The following PXDN variants were observed in gnomAD, a reference collection of about 807,000 sequenced individuals.
The protein encoded by PXDN is peroxidasin homolog.
A neutral mutation model predicts 140.3 loss-of-function variants in PXDN; 77 were observed. The ratio of observed to expected loss-of-function variants is 0.55; its 90% CI spans 0.46 to 0.66. The LOEUF is 0.66. Ranked by LOEUF, PXDN falls within the 30% of genes least tolerant of loss-of-function variation. The pLI, the probability that PXDN is intolerant of heterozygous loss-of-function variation, is 0.00. For missense variants in PXDN, 1,838 were observed against 2,039.5 expected, an observed-to-expected ratio of 0.90 and a Z score of 1.90; for synonymous variants, 911 against 857.4, an observed-to-expected ratio of 1.06 and a Z score of -1.09.
chr2:1,743,720 G>GC (rs1436755680), intron 1 of PXDN, among the ~76,000 whole-genome samples: 1 of 72,378 alleles, frequency 1.4e-5, no homozygotes, highest in East Asian at 3.2e-4. Flanking sequence ...GAGGAGGAAG[G>GC]GGAGGAGGAA....
intron 1 of PXDN, among the ~76,000 whole-genome samples, chr2:1,740,297 A>G (rs986001435): frequency 1.3e-5 from 2 of 152,160 alleles, no homozygotes; most frequent in African/African-American, 4.8e-5. Context: ...GCGTGTGAGG[A>G]GGAGAGGTCC....
chr2:1,699,032 A>G (rs1684359830), intron 1 of PXDN, among the ~76,000 whole-genome samples: 1 of 152,216 alleles, frequency 6.6e-6, no homozygotes, highest in Admixed American at 6.5e-5. Context: ...CCAGAAAAAA[A>G]AAATGTCAAG....
chr2:1,720,707 T>TTCTC (rs200041810), intron 1 of PXDN, among the ~76,000 whole-genome samples: 2 of 53,422 alleles, frequency 3.7e-5, no homozygotes, highest in Non-Finnish European at 7.8e-5. Context: ...CTGCATCTCT[T>TTCTC]TCTCTCTCTC....
chr2:1,657,350 C>T (rs977423435), intron 14 of PXDN, among the ~76,000 whole-genome samples: 6 of 150,264 alleles, frequency 4.0e-5, no homozygotes, highest in African/African-American at 1.2e-4. Flanking sequence ...CTGAAACCAG[C>T]CCCAACCTGA....
intron 6 of PXDN, among the ~76,000 whole-genome samples, chr2:1,682,486 G>C (rs1392329367): frequency 6.6e-6 from 1 of 152,126 alleles, no homozygotes; most frequent in Non-Finnish European, 1.5e-5. Flanking sequence ...TCTAGGTCTA[G>C]TTTACTGAAT....
chr2:1,649,084 G>A lies in PXDN; in HGVS notation c.2696C>T (p.Pro899Leu), dbSNP rs1266587147. The A allele has an allele frequency of 5.0e-6, 8 of 1,612,504 alleles. No homozygotes were observed. The highest frequency in any genetic ancestry group is 2.2e-5 in the East Asian group (1 of 44,824). Residue 899 changes from proline (P) to leucine (L), a missense_variant, in exon 17 of 23, where the codon CCG becomes CTG. By Grantham distance (98) the Pro-to-Leu change is moderately conservative (BLOSUM62 -3). Around this residue, in one of 5 missense-constraint regions of PXDN, gnomAD observed 850 missense variants for 894.1 expected, o/e 0.95. Transcript: ENST00000252804. This position sits in a 1 kb window ranked among gnomAD's most constrained non-coding sequence, Gnocchi z 7.1. ...MTSLLMNSVY[P>L]REQINQLTSY... is the part of the protein sequence containing the mutation. ...GGTGAGCTGGTTGATCTGCTCCCGC[G>A]GGTACACGGAGTTCATGAGCAGCGA... is the stretch of plus-strand genomic sequence containing the variant.
rs1485099807 is a variant in PXDN at position 1,633,187 on chromosome 2, C to T, written c.*1017G>A. The T allele has an allele frequency of 2.1e-5, 2 of 94,030 alleles. No individual in the cohort carries two copies. The highest frequency in any genetic ancestry group is 1.2e-4 in the Admixed American group (1 of 8,338). 5.8% of individuals were successfully genotyped at this position (94,030 alleles called of 1,614,324 possible). A position where few individuals can be genotyped will look rare whatever the true frequency, so the allele number is the denominator to read the frequency against. On this transcript the variant is annotated 3_prime_UTR_variant, in exon 23 of 23. Coordinates refer to ENST00000252804, the MANE Select transcript of PXDN (RefSeq NM_012293.3). ...GATTCTTTTTTTTTTTTTTTTTTAA[C>T]GCACTCACACAACCTGAAGTTAGAC...
rs963220706 is a variant in PXDN, at chr2:1,714,413, G to A, written c.201-21279C>T. On this transcript the variant is annotated intron_variant, in intron 1 of 22. Transcript: ENST00000252804. The surrounding 1 kb of genome is among the most constrained non-coding windows in gnomAD (Gnocchi z 4.3). ...CTGCCAAGAAGATGGGGCTACTGTG[G>A]GAGCAGGGACCCTGCCAGTTACACT... 3.3e-5 allele frequency among the ~76,000 whole-genome samples: 5 copies of A among 152,130 alleles called. No homozygotes were observed. The South Asian group carries it at 8.3e-4, about 25-fold the overall frequency.
At chr2:1,673,393 G>T (rs1306932908) in intron 9 of PXDN, among the ~76,000 whole-genome samples, 1 of 152,128 alleles carries the variant, frequency 6.6e-6, no homozygotes, top group Non-Finnish European at 1.5e-5. Flanking sequence ...TGGGCTCACA[G>T]CATGGACTGC....
chr2:1,656,018 C>G (rs1683125772), intron 14 of PXDN, among the ~76,000 whole-genome samples: 1 of 151,950 alleles, frequency 6.6e-6, no homozygotes, highest in Non-Finnish European at 1.5e-5. Flanking sequence ...ACTATACACA[C>G]AGATACACAC....
chr2:1,691,401 G>C (rs1684180189), intron 3 of PXDN, among the ~76,000 whole-genome samples: 1 of 152,164 alleles, frequency 6.6e-6, no homozygotes, highest in Admixed American at 6.5e-5. Context: ...ATTAAAATCA[G>C]TTTTTAAAAG....
chr2:1,727,999 A>C (rs1222255767), intron 1 of PXDN, among the ~76,000 whole-genome samples: 1 of 152,192 alleles, frequency 6.6e-6, no homozygotes, highest in Admixed American at 6.5e-5. Flanking sequence ...GCAGTGATGC[A>C]ATCACAGCTC....
chr2:1,684,207 G>C, intron 4 of PXDN, 56 bp from the exon 5 acceptor site: 15 of 1,476,236 alleles, frequency 1.0e-5, no homozygotes, highest in Admixed American at 2.0e-5. Flanking sequence ...CTTAGATCCA[G>C]ATTTTTGCCC....
intron 21 of PXDN, among the ~76,000 whole-genome samples, chr2:1,637,316 C>T (rs554819160): frequency 3.3e-5 from 5 of 152,224 alleles, no homozygotes; most frequent in Non-Finnish European, 5.9e-5. Context: ...GCTGAGTGAA[C>T]ACTGCATGCT....
intron 18 of PXDN, 142 bp from the exon 19 acceptor site, chr2:1,643,718 TCA>T: frequency 1.3e-6 from 1 of 789,364 alleles, no homozygotes; most frequent in Non-Finnish European, 2.0e-6. Flanking sequence ...AAAAATGGAC[TCA>T]CACACTGCTC....
chr2:1,638,790 G>C, intron 21 of PXDN, 56 bp downstream of exon 21: 1 of 1,610,220 alleles, frequency 6.2e-7, no homozygotes, highest in Non-Finnish European at 8.5e-7. Context: ...GTTCGGGCAG[G>C]GCTGTGCTGC....
At chr2:1,728,229 C>T (rs189985630) in intron 1 of PXDN, among the ~76,000 whole-genome samples, 11 of 152,346 alleles carry the variant, frequency 7.2e-5, no homozygotes, top group African/African-American at 1.9e-4. Context: ...TGAGCCACTG[C>T]ACCCAGCCAA....
At chr2:1,699,888 T>C (rs1235505902) in intron 1 of PXDN, among the ~76,000 whole-genome samples, 1 of 152,190 alleles carries the variant, frequency 6.6e-6, no homozygotes, top group Non-Finnish European at 1.5e-5. Context: ...TGATGGGAAC[T>C]CTTGCCTTTT....
intron 21 of PXDN, among the ~76,000 whole-genome samples, chr2:1,637,546 G>A (rs1572111985): frequency 1.3e-5 from 2 of 150,744 alleles, no homozygotes; most frequent in African/African-American, 5.0e-5. Context: ...CCTGCTGCAC[G>A]CTGTCCACTC....
Sources: gnomAD v4.1 joint callset for allele counts (sites outside exome capture counted in the v4.1 genomes callset) on GRCh38, gnomAD v4.1.1 for gene constraint, gnomAD v4.1.1 regional missense constraint, Gnocchi (gnomAD v3.1) non-coding constraint, MANE v1.5 for transcripts, NCBI Gene and HGNC (gene_info 2026-07-23, HGNC 2026-07-21) for gene names.